CLK2: variants seen among roughly 807,000 people sequenced by gnomAD.
The protein encoded by CLK2 is CDC like kinase 2.
A neutral mutation model predicts 73.5 loss-of-function variants in CLK2; 12 were observed. The ratio of observed to expected loss-of-function variants is 0.16; its 90% confidence interval spans 0.10 to 0.26. CLK2 has a LOEUF of 0.26. Among genes scored for constraint, CLK2 ranks in the 10% least tolerant of loss-of-function variants. The pLI, the probability that CLK2 is intolerant of heterozygous loss-of-function variation, is 1.00. For missense variants in CLK2, 509 were observed against 688.4 expected (o/e 0.74, Z 2.92); for synonymous variants, 232 against 237.9 (o/e 0.98, Z 0.23).
At chr1:155,267,581 G>A (rs1673288364) in intron 6 of CLK2, among the ~76,000 whole-genome samples, 1 of 152,150 alleles carries the variant, frequency 6.6e-6, no homozygotes, top group Admixed American at 6.5e-5. Flanking sequence ...ATACCTACTG[G>A]CCTCATATCT....
chr1:155,269,878 G>A (rs1248414596), intron 2 of CLK2, among the ~76,000 whole-genome samples, 162 bp from the exon 3 acceptor site: 1 of 152,172 alleles, frequency 6.6e-6, no homozygotes, highest in South Asian at 2.1e-4. Flanking sequence ...AGAGAAGTGA[G>A]GTAACAAGCA....
intron 2 of CLK2, among the ~76,000 whole-genome samples, chr1:155,270,004 T>C (rs1164043532): frequency 6.6e-6 from 1 of 152,162 alleles, no homozygotes; most frequent in African/African-American, 2.4e-5. Context: ...TCTCAAGCTT[T>C]CCTGAATGAA....
At position 155,268,146 on chromosome 1, in the gene CLK2, G is replaced by A. The variant is rs761213494; in HGVS notation, c.555-20C>T. ...CCACCCCTGTAAGTTGGCAGGAGAG[G>A]CTTTTGCTGGGTTCTCAAGAATGTC... On this transcript the variant is annotated intron_variant, in intron 5 of 12. Transcript: ENST00000368361. The surrounding 1 kb of genome is among the most constrained non-coding windows in gnomAD (Gnocchi z 5.6). 1.9e-6 allele frequency: 3 copies of A among 1,601,316 alleles called. No homozygotes were observed. Among genetic ancestry groups the A allele is most frequent in the Non-Finnish European group, 2.6e-6 (3 of 1,168,376 alleles).
Position 155,263,313 on chromosome 1 carries a change from T to G in CLK2, c.1405A>C (p.Thr469Pro), listed in dbSNP as rs759928699. The G allele has an allele frequency of 3.0e-5, 48 of 1,614,088 alleles. 1 individual carries two copies. Among genetic ancestry groups the G allele is most frequent in the Non-Finnish European group, 1.7e-6 (2 of 1,180,056 alleles). The change falls in exon 13 of 13, where the codon ACC (threonine) becomes CCC (proline). Residue 469 changes from threonine (T) to proline (P), a missense_variant. Coordinates refer to ENST00000368361, the MANE Select transcript of CLK2 (RefSeq NM_001294338.2). Reference sequence around the variant, plus strand: ...GGATGCTGAAGGGCTTCACCCAAGGTCAGCCGCTTAGCTGGTTCATACTCT... The same window carrying G: ...GGATGCTGAAGGGCTTCACCCAAGGGCAGCCGCTTAGCTGGTTCATACTCT... ...MLEYEPAKRL[T>P]LGEALQHPFF...
Position 155,269,719 on chromosome 1 carries a change from G to A in CLK2, c.171-3C>T, listed in dbSNP as rs373529959. 1.9e-5 allele frequency: 30 copies of A among 1,613,302 alleles called. No individual in the cohort carries two copies. The African/African-American group carries it at 3.9e-4, about 21-fold the overall frequency. ...CGGACGAACGATCATCATAACTGCTGTTGGATAACAAATACCAATGAGGTG... is the reference window on the plus strand; with the variant it reads ...CGGACGAACGATCATCATAACTGCTATTGGATAACAAATACCAATGAGGTG... On this transcript the variant is annotated splice_region_variant and splice_polypyrimidine_tract_variant and intron_variant, in intron 2 of 12. Coordinates refer to ENST00000368361, the MANE Select transcript of CLK2 (RefSeq NM_001294338.2).
chr1:155,262,985 G>C lies in CLK2; in HGVS notation c.*233C>G, dbSNP rs1357104734. ...CGGCCCCCATCCAACTCCGTATGAG[G>C]GGGCAGGTGAGGGTGGAAACTGTGT... On this transcript the variant is annotated 3_prime_UTR_variant, in exon 13 of 13. Transcript: ENST00000368361. 1 of 446,386 alleles carries C rather than the reference G, an allele frequency of 2.2e-6. No individual in the cohort carries two copies. Among genetic ancestry groups the C allele is most frequent in the Non-Finnish European group, 3.9e-6 (1 of 255,484 alleles). 27.7% of individuals were successfully genotyped at this position (446,386 alleles called of 1,614,324 possible).
At chr1:155,271,608 G>C (rs1343672727) in intron 1 of CLK2, among the ~76,000 whole-genome samples, 2 of 152,216 alleles carry the variant, frequency 1.3e-5, no homozygotes, top group South Asian at 4.1e-4. Flanking sequence ...ACAGAGCAAA[G>C]TGTATGACGA....
intron 1 of CLK2, among the ~76,000 whole-genome samples, chr1:155,272,141 C>T (rs1572024234): frequency 6.6e-6 from 1 of 152,012 alleles, no homozygotes; most frequent in African/African-American, 2.4e-5. Context: ...CTCAGCCTCC[C>T]GAGTAGCTGG....
rs372227526 is a variant in CLK2, at chr1:155,263,211, C to G, written c.*7G>C. 1 of 1,610,774 alleles carries G rather than the reference C, an allele frequency of 6.2e-7. No homozygotes were observed. ...TAAAAGATGCAGGGGGGCCCAGGGCCTGATCGTCACCGACTGATATCCCGA... is the reference window on the plus strand; with the variant it reads ...TAAAAGATGCAGGGGGGCCCAGGGCGTGATCGTCACCGACTGATATCCCGA... On this transcript the variant is annotated 3_prime_UTR_variant, in exon 13 of 13. Transcript: ENST00000368361.
Position 155,264,763 on chromosome 1 carries a change from C to T in CLK2, c.945G>A (p.Glu315=), listed in dbSNP as rs1038581662. 1 of 1,614,238 alleles carries T rather than the reference C, an allele frequency of 6.2e-7. No individual in the cohort carries two copies. Among genetic ancestry groups the T allele is most frequent in the African/African-American group, 1.3e-5 (1 of 75,064 alleles). The part of the protein sequence containing the change: ...LTYNLEKKRD[E]RSVKSTAVRV... ...GCACAGCTGTGCTCTTCACACTGCGCTCATCTCGCTTCTAGGAGCAGAGGA... is the reference window on the plus strand; with the variant it reads ...GCACAGCTGTGCTCTTCACACTGCGTTCATCTCGCTTCTAGGAGCAGAGGA... Residue 315 remains glutamate, a synonymous_variant, in exon 9 of 13, where the codon GAG becomes GAA. Coordinates refer to ENST00000368361, the MANE Select transcript of CLK2 (RefSeq NM_001294338.2).
rs1366953530 is a variant in CLK2, at chr1:155,268,635, C to G, written c.487+73G>C. 1 of 1,371,964 alleles carries G rather than the reference C, an allele frequency of 7.3e-7. No individual in the cohort carries two copies. The highest frequency in any genetic ancestry group is 1.0e-6 in the Non-Finnish European group (1 of 959,978). 85.0% of individuals were successfully genotyped at this position (1,371,964 alleles called of 1,614,324 possible). A position where few individuals can be genotyped will look rare whatever the true frequency, so the allele number is the denominator to read the frequency against. On this transcript the variant is annotated intron_variant, in intron 4 of 12. Transcript: ENST00000368361. The surrounding 1 kb of genome is among the most constrained non-coding windows in gnomAD (Gnocchi z 5.6). ...TGAGAAAAGGCAAGAGGCTGTGACT[C>G]AGGTTGGCTTGGGACGTTAGGATGG...
In CLK2 at chr1:155,264,631, T is replaced by G; in HGVS notation, c.1063+14A>C. The stretch of plus-strand genomic sequence containing the variant: ...CATCATCTCACACACTTGGACAGCC[T>G]TGCCCTCCCTTACCAAGGATGACTT... On this transcript the variant is annotated intron_variant, in intron 9 of 12. Transcript: ENST00000368361. The G allele has an allele frequency of 1.2e-6, 2 of 1,614,210 alleles. No homozygotes were observed. Among genetic ancestry groups the G allele is most frequent in the Non-Finnish European group, 1.7e-6 (2 of 1,180,026 alleles).
Position 155,263,399 on chromosome 1 carries a change from C to G in CLK2, c.1319G>C (p.Arg440Pro). The G allele has an allele frequency of 6.2e-7, 1 of 1,613,914 alleles. No individual in the cohort carries two copies. Among genetic ancestry groups the G allele is most frequent in the Non-Finnish European group, 8.5e-7 (1 of 1,180,004 alleles). Residue 440 changes from arginine to proline, a missense_variant and splice_region_variant, in exon 13 of 13, where the codon CGG becomes CCG. Arg to Pro is a moderately radical substitution (Grantham distance 103). Around this residue, in one of 6 missense-constraint regions of CLK2, gnomAD observed 134 missense variants for 146.0 expected, o/e 0.92. Coordinates refer to ENST00000368361, the MANE Select transcript of CLK2 (RefSeq NM_001294338.2). ...YVRENCKPLR[R>P]YLTSEAEEHH... ...TTCCTCTGCCTCTGAGGTCAGATACCGCTGGTGGAGGAGGGCAGGAAAAAG... is the reference window on the plus strand; with the variant it reads ...TTCCTCTGCCTCTGAGGTCAGATACGGCTGGTGGAGGAGGGCAGGAAAAAG...
Position 155,265,950 on chromosome 1 carries a change from G to A in CLK2, c.843C>T (p.Leu281=), listed in dbSNP as rs770927216. ...AFQLCQAVKF[L]HDNKLTHTDL... is the part of the protein sequence containing the mutation. ...CTGTATGTGTCAGCTTGTTATCATGGAGGACTGTAGGGGAGAAGGCCAGGT... is the reference window on the plus strand; with the variant it reads ...CTGTATGTGTCAGCTTGTTATCATGAAGGACTGTAGGGGAGAAGGCCAGGT... Residue 281 remains leucine, a synonymous_variant, in exon 8 of 13, where the codon CTC becomes CTT. Coordinates refer to ENST00000368361, the MANE Select transcript of CLK2 (RefSeq NM_001294338.2). 5.0e-6 allele frequency: 8 copies of A among 1,610,342 alleles called. No homozygotes were observed. In the African/African-American group the frequency reaches 1.1e-4, roughly 22 times the overall value.
At position 155,268,240 on chromosome 1, in the gene CLK2, A is replaced by ATAACCCCAACCATCTCTT; in HGVS notation, c.554+35_554+52dup. The ATAACCCCAACCATCTCTT allele has an allele frequency of 1.3e-6, 2 of 1,586,302 alleles. No individual in the cohort carries two copies. The highest frequency in any genetic ancestry group is 1.7e-6 in the Non-Finnish European group (2 of 1,154,828). On this transcript the variant is annotated intron_variant, in intron 5 of 12. Coordinates refer to ENST00000368361, the MANE Select transcript of CLK2 (RefSeq NM_001294338.2). This position sits in a 1 kb window ranked among gnomAD's most constrained non-coding sequence, Gnocchi z 5.6. Reference sequence around the variant, plus strand: ...AGGTTAATTAGCAAAAAAGCCCCATATAACCCCAACCATCTCTTTAGCCCC... The same window carrying ATAACCCCAACCATCTCTT: ...AGGTTAATTAGCAAAAAAGCCCCATATAACCCCAACCATCTCTTTAACCCCAACCATCTCTTTAGCCCC...
chr1:155,263,814 C>G, intron 12 of CLK2, 136 bp downstream of exon 12: 1 of 1,394,270 alleles, frequency 7.2e-7, no homozygotes, highest in Non-Finnish European at 9.8e-7. Flanking sequence ...CTCTGTTGAC[C>G]AAAGATGTCT....
intron 2 of CLK2, 69 bp from the exon 3 acceptor site, chr1:155,269,785 G>C (rs1673414494): frequency 7.0e-7 from 1 of 1,420,448 alleles, no homozygotes; most frequent in Admixed American, 1.7e-5. Flanking sequence ...CCTGTGACAA[G>C]GTCCTGCCTT....
intron 12 of CLK2, 56 bp downstream of exon 12, chr1:155,263,894 C>A: frequency 6.4e-7 from 1 of 1,550,920 alleles, no homozygotes; most frequent in South Asian, 1.1e-5. Flanking sequence ...GCAAACCACC[C>A]TAAGAAGGAA....
At position 155,264,557 on chromosome 1, in the gene CLK2, G is replaced by A; in HGVS notation, c.1064-7C>T. 6.2e-7 allele frequency: 1 copy of A among 1,614,224 alleles called. No individual in the cohort carries two copies. Among genetic ancestry groups the A allele is most frequent in the South Asian group, 1.1e-5 (1 of 91,082 alleles). ...GGCTGTGACCAGCCCAACTCTGGGT[G>A]AGAATGGGAGGGAAAAGGTGTTATG... On this transcript the variant is annotated splice_polypyrimidine_tract_variant and splice_region_variant and intron_variant, in intron 9 of 12. Transcript: ENST00000368361.
Sources: allele counts gnomAD v4.1 joint callset (sites outside exome capture counted in the v4.1 genomes callset), GRCh38; gene constraint gnomAD v4.1.1; regional missense constraint gnomAD v4.1.1; non-coding constraint Gnocchi (gnomAD v3.1); transcripts MANE v1.5; gene names NCBI Gene and HGNC (gene_info 2026-07-23, HGNC 2026-07-21).